Variants in ABLIM2 observed in about 807,000 individuals in gnomAD.
ABLIM2 encodes actin-binding LIM protein 2.
ABLIM2 carries 53 observed loss-of-function variants against 97.7 expected under a neutral mutation model. The observed-to-expected ratio is 0.54, with a 90% CI of 0.44 to 0.68. The LOEUF (loss-of-function observed/expected upper bound fraction) is 0.68, where lower values mean the gene tolerates loss of function less well. Ranked by LOEUF, ABLIM2 falls within the 30% of genes least tolerant of loss-of-function variation. The pLI is 0.00. For missense variants in ABLIM2, 835 were observed against 867.2 expected (o/e 0.96, Z 0.47); for synonymous variants, 361 against 345.8 (o/e 1.04, Z -0.49).
intron 16 of ABLIM2, among the ~76,000 whole-genome samples, chr4:8,000,314 A>G (rs972453156): frequency 2.0e-5 from 3 of 152,138 alleles, no homozygotes; most frequent in Non-Finnish European, 4.4e-5. Context: ...CCTCAGAGTC[A>G]GGCCACAGGA....
Position 8,001,073 on chromosome 4 carries a change from A to G in ABLIM2, c.1618+6986T>C, listed in dbSNP as rs1276403620. ...GGGCAGGAGGTTTGGAGGCTGTGGC[A>G]CTGCACAGGTTCGGGTCCCCTCTCT... On this transcript the variant is annotated intron_variant, in intron 16 of 20. Transcript: ENST00000447017. The surrounding 1 kb of genome is among the most constrained non-coding windows in gnomAD (Gnocchi z 4.2). Among the ~76,000 whole-genome samples, 1 of 152,202 alleles carries G rather than the reference A, an allele frequency of 6.6e-6. No homozygotes were observed. The highest frequency in any genetic ancestry group is 1.5e-5 in the Non-Finnish European group (1 of 68,034).
At position 8,047,800 on chromosome 4, in the gene ABLIM2, G is replaced by A. The variant is rs1354226150; in HGVS notation, c.823-2559C>T. ...GAGGATTAGATCAGGGATGAGGCAC[G>A]TGAGGTGCTTAGCACTGAAAAATTC... On this transcript the variant is annotated intron_variant, in intron 8 of 20. Transcript: ENST00000447017. Among the ~76,000 whole-genome samples, 9 of 152,264 alleles carry A rather than the reference G, an allele frequency of 5.9e-5. No homozygotes were observed. In the South Asian group the frequency reaches 6.2e-4, roughly 11 times the overall value.
At chr4:8,045,388 C>T (rs1437779263) in intron 8 of ABLIM2, 147 bp from the exon 9 acceptor site, 21 of 725,744 alleles carry the variant, frequency 2.9e-5, no homozygotes, top group South Asian at 8.1e-5. Context: ...CGGCGGCTCA[C>T]GCCTATAATC....
rs1578589422 is a variant in ABLIM2, at chr4:8,011,412, G to C, written c.1424-2310C>G. On this transcript the variant is annotated intron_variant, in intron 14 of 20. Transcript: ENST00000447017. ...CGAGTCTCTTGAGAACTAGGAGCTT[G>C]GGTAGGAAAAGACAGGAAACTGGCA... Among the ~76,000 whole-genome samples, 17 of 152,342 alleles carry C rather than the reference G, an allele frequency of 1.1e-4. No homozygotes were observed. The South Asian group carries it at 3.5e-3, about 32-fold the overall frequency.
chr4:8,031,085 G>A (rs1780634436), intron 10 of ABLIM2, among the ~76,000 whole-genome samples: 1 of 152,220 alleles, frequency 6.6e-6, no homozygotes, highest in Admixed American at 6.5e-5. Context: ...CCTCAGCCTC[G>A]GACCACTCCT....
Position 8,082,095 on chromosome 4 carries a change from C to T in ABLIM2, c.455-1293G>A, listed in dbSNP as rs1213683434. Among the ~76,000 whole-genome samples the T allele has an allele frequency of 6.6e-6, 1 of 152,042 alleles. No homozygotes were observed. Among genetic ancestry groups the T allele is most frequent in the African/African-American group, 2.4e-5 (1 of 41,396 alleles). On this transcript the variant is annotated intron_variant, in intron 4 of 20. Transcript: ENST00000447017. This position sits in a 1 kb window ranked among gnomAD's most constrained non-coding sequence, Gnocchi z 5.6. ...GCATGACAAGGGAAGGGCCTCGGAC[C>T]CCGTAATGGACAGGGAGGAAGAGGG... is the stretch of plus-strand genomic sequence containing the variant.
intron 6 of ABLIM2, among the ~76,000 whole-genome samples, chr4:8,070,064 A>C (rs933938344): frequency 6.1e-5 from 9 of 147,636 alleles, no homozygotes; most frequent in African/African-American, 2.0e-4. Context: ...TGTGTATCTG[A>C]GTGTGTCTGT....
rs552122146 is a variant in ABLIM2 at position 8,030,012 on chromosome 4, T to C, written c.1048-236A>G. On this transcript the variant is annotated intron_variant, in intron 10 of 20. Transcript: ENST00000447017. ...GCTGGATCCTTGCCACAGGGTGTGG[T>C]ACAGGGACCCACTGGCGGGGATCCC... 2.5e-4 allele frequency among the ~76,000 whole-genome samples: 38 copies of C among 152,218 alleles called. 1 individual carries two copies. Among genetic ancestry groups the C allele is most frequent in the African/African-American group, 9.1e-4 (38 of 41,542 alleles).
intron 1 of ABLIM2, among the ~76,000 whole-genome samples, chr4:8,144,618 G>C (rs1851505185): frequency 6.6e-6 from 1 of 152,226 alleles, no homozygotes; most frequent in Non-Finnish European, 1.5e-5. Flanking sequence ...TCCAGTGCCA[G>C]CCCAGCGGGT....
Position 8,042,012 on chromosome 4 carries a change from G to A in ABLIM2, c.900+3152C>T, listed in dbSNP as rs150630736. On this transcript the variant is annotated intron_variant, in intron 9 of 20. Coordinates refer to ENST00000447017, the MANE Select transcript of ABLIM2 (RefSeq NM_001130083.2). ...AGCAACAGCAACAGCTACCACGAAT[G>A]AGCGCTTAGCAGGCACCAAGCCGGA... Among the ~76,000 whole-genome samples, 73 of 152,336 alleles carry A rather than the reference G, an allele frequency of 4.8e-4. No homozygotes were observed. The East Asian group carries it at 6.9e-3, about 14-fold the overall frequency.
intron 6 of ABLIM2, among the ~76,000 whole-genome samples, chr4:8,064,055 G>A (rs1055530518): frequency 2.6e-5 from 4 of 152,190 alleles, no homozygotes; most frequent in African/African-American, 9.7e-5. Context: ...TCCGATCCTA[G>A]CCAATAGAGG....
chr4:8,107,919 C>T (rs996451803), intron 1 of ABLIM2, among the ~76,000 whole-genome samples: 1 of 152,160 alleles, frequency 6.6e-6, no homozygotes, highest in Admixed American at 6.5e-5. Context: ...TGACACATTG[C>T]TGGCTTTGAA....
At chr4:8,107,854 T>C (rs1326315572) in intron 1 of ABLIM2, among the ~76,000 whole-genome samples, 1 of 152,110 alleles carries the variant, frequency 6.6e-6, no homozygotes, top group African/African-American at 2.4e-5. Context: ...TAAAATCAGA[T>C]CATTATGCGG....
At chr4:7,980,519 A>T (rs1737178349) in intron 20 of ABLIM2, among the ~76,000 whole-genome samples, 1 of 152,144 alleles carries the variant, frequency 6.6e-6, no homozygotes, top group African/African-American at 2.4e-5. Context: ...GTTTGAGAAC[A>T]GCCTGGCCAA....
chr4:7,999,744 C>T lies in ABLIM2; in HGVS notation c.1619-6817G>A, dbSNP rs1263362565. Among the ~76,000 whole-genome samples, 1 of 152,214 alleles carries T rather than the reference C, an allele frequency of 6.6e-6. No individual in the cohort carries two copies. The highest frequency in any genetic ancestry group is 1.5e-5 in the Non-Finnish European group (1 of 68,032). On this transcript the variant is annotated intron_variant, in intron 16 of 20. Coordinates refer to ENST00000447017, the MANE Select transcript of ABLIM2 (RefSeq NM_001130083.2). This position sits in a 1 kb window ranked among gnomAD's most constrained non-coding sequence, Gnocchi z 4.4. Reference sequence around the variant, plus strand: ...AACTGGGTAGTCCTGATGCCAGTTACATGAGGCTCTGCAGGCACCAGAGGC... The same window carrying T: ...AACTGGGTAGTCCTGATGCCAGTTATATGAGGCTCTGCAGGCACCAGAGGC...
At position 8,113,450 on chromosome 4, in the gene ABLIM2, C is replaced by G. The variant is rs1024035238; in HGVS notation, c.11-6813G>C. 9.2e-5 allele frequency among the ~76,000 whole-genome samples: 14 copies of G among 152,170 alleles called. No individual in the cohort carries two copies. The highest frequency in any genetic ancestry group is 3.1e-4 in the African/African-American group (13 of 41,424). ...TGTGCCCACGGATCTATATTTAGTT[C>G]CACCCTTCTCTAAGGGCCCAGTGAA... On this transcript the variant is annotated intron_variant, in intron 1 of 20. Transcript: ENST00000447017. The surrounding 1 kb of genome is among the most constrained non-coding windows in gnomAD (Gnocchi z 4.5).
At chr4:8,059,206 G>C (rs1352560301) in intron 7 of ABLIM2, among the ~76,000 whole-genome samples, 1 of 152,082 alleles carries the variant, frequency 6.6e-6, no homozygotes, top group African/African-American at 2.4e-5. Flanking sequence ...TGCAAGGAGA[G>C]TGATGGGGCT....
intron 14 of ABLIM2, chr4:8,010,367 C>T: frequency 1.0e-6 from 1 of 985,760 alleles, no homozygotes; most frequent in African/African-American, 1.7e-5. Context: ...AAACCCGTCT[C>T]CGTCCCCAGC....
chr4:7,972,357 G>A lies in ABLIM2; in HGVS notation c.1825-5254C>T, dbSNP rs151037399. On this transcript the variant is annotated intron_variant, in intron 20 of 20. Transcript: ENST00000447017. ...CTCTCCCATTCACCAGCAGCTCTTCGTCATCCTACTGGTCCTGACTCAAGT... is the reference window on the plus strand; with the variant it reads ...CTCTCCCATTCACCAGCAGCTCTTCATCATCCTACTGGTCCTGACTCAAGT... 2.4e-3 allele frequency among the ~76,000 whole-genome samples: 370 copies of A among 152,266 alleles called. 2 individuals carry two copies. The highest frequency in any genetic ancestry group is 4.4e-3 in the Non-Finnish European group (298 of 68,002).
Sources: allele counts gnomAD v4.1 joint callset (sites outside exome capture counted in the v4.1 genomes callset), GRCh38; gene constraint gnomAD v4.1.1; non-coding constraint Gnocchi (gnomAD v3.1); transcripts MANE v1.5; gene names NCBI Gene and HGNC (gene_info 2026-07-23, HGNC 2026-07-21).